The following NGLY1 variants were observed in gnomAD, a reference collection of about 807,000 sequenced individuals.
NGLY1 encodes peptide-N(4)-(N-acetyl-beta-glucosaminyl)asparagine amidase.
In NGLY1, 68 loss-of-function variants were observed where a neutral mutation model predicts 84.6. The ratio of observed to expected loss-of-function variants is 0.80; its 90% CI spans 0.66 to 0.98. The LOEUF (loss-of-function observed/expected upper bound fraction) is 0.98. Among genes scored for constraint, NGLY1 ranks in the 50% least tolerant of loss-of-function variants. NGLY1 has a pLI of 0.00. For missense variants in NGLY1, 779 were observed against 770.2 expected (o/e 1.01, Z -0.14); for synonymous variants, 280 against 275.2 (o/e 1.02, Z -0.17).
chr3:25,738,883 T>C (rs1705981541), intron 5 of NGLY1, among the ~76,000 whole-genome samples: 1 of 152,140 alleles, frequency 6.6e-6, no homozygotes, highest in Non-Finnish European at 1.5e-5. Context: ...TTTATAAACA[T>C]TGCCAATTCA....
At chr3:25,761,302 A>G (rs1707313133) in intron 3 of NGLY1, among the ~76,000 whole-genome samples, 1 of 152,202 alleles carries the variant, frequency 6.6e-6, no homozygotes, top group South Asian at 2.1e-4. Flanking sequence ...GTGAAGCTGG[A>G]AACATAATGC....
intron 3 of NGLY1, among the ~76,000 whole-genome samples, chr3:25,758,725 G>A (rs1278211608): frequency 6.6e-6 from 1 of 152,108 alleles, no homozygotes; most frequent in Non-Finnish European, 1.5e-5. Context: ...TTGACAATAT[G>A]TGCTGAAAAA....
At chr3:25,769,666 T>C (rs944205373) in intron 2 of NGLY1, among the ~76,000 whole-genome samples, 1 of 152,186 alleles carries the variant, frequency 6.6e-6, no homozygotes, top group African/African-American at 2.4e-5. Context: ...AAAATAGAAC[T>C]ACCATATGAT....
chr3:25,759,319 GAAAA>G (rs759612741), intron 3 of NGLY1, among the ~76,000 whole-genome samples: 1 of 82,280 alleles, frequency 1.2e-5, no homozygotes, highest in East Asian at 3.4e-4. Context: ...TATAGAAACA[GAAAA>G]AAAAAAAAAA....
intron 2 of NGLY1, among the ~76,000 whole-genome samples, chr3:25,775,297 C>T (rs1392317498): frequency 1.3e-5 from 2 of 152,198 alleles, no homozygotes; most frequent in Admixed American, 6.5e-5. Context: ...TCCTATCCAC[C>T]ATTTTCCAAA....
chr3:25,726,478 T>C (rs1705268973), intron 10 of NGLY1, among the ~76,000 whole-genome samples: 2 of 152,180 alleles, frequency 1.3e-5, no homozygotes, highest in African/African-American at 4.8e-5. Context: ...ATGGATTCAA[T>C]TTGCTGGGAC....
At chr3:25,744,174 TA>T (rs1706300663) in intron 4 of NGLY1, among the ~76,000 whole-genome samples, 1 of 152,318 alleles carries the variant, frequency 6.6e-6, no homozygotes, top group East Asian at 1.9e-4. Flanking sequence ...AGAAAATGGG[TA>T]AAAACATCAG....
upstream of NGLY1, among the ~76,000 whole-genome samples, chr3:25,786,310 G>A (rs779255038): frequency 6.6e-6 from 1 of 151,014 alleles, no homozygotes; most frequent in African/African-American, 2.4e-5. Flanking sequence ...GTGACAGAGC[G>A]GGACTCTACC....
At chr3:25,777,398 A>AAC (rs1441924293) in intron 2 of NGLY1, among the ~76,000 whole-genome samples, 1 of 149,832 alleles carries the variant, frequency 6.7e-6, no homozygotes, top group African/African-American at 2.5e-5. Context: ...TCCATCTCAA[A>AAC]AAAAAAAAAA....
intron 10 of NGLY1, among the ~76,000 whole-genome samples, chr3:25,727,786 C>G (rs1469698652): frequency 6.6e-6 from 1 of 152,172 alleles, no homozygotes; most frequent in Non-Finnish European, 1.5e-5. Context: ...CATATCACAT[C>G]TTCTGTAACA....
intron 1 of NGLY1, among the ~76,000 whole-genome samples, chr3:25,789,058 A>G (rs779637553): frequency 6.6e-6 from 1 of 152,230 alleles, no homozygotes; most frequent in African/African-American, 2.4e-5. Flanking sequence ...CCATTTTTCT[A>G]AAGAAGAGCA....
upstream of NGLY1, chr3:25,784,087 T>A (rs980723289): frequency 2.0e-5 from 3 of 152,136 alleles, no homozygotes. Context: ...TCTACATAGA[T>A]GTGGATGAAA....
intron 2 of NGLY1, chr3:25,777,930 C>T (rs1490939920): frequency 6.6e-6 from 1 of 152,246 alleles, no homozygotes; most frequent in Non-Finnish European, 1.5e-5. Context: ...ATTGCCTATT[C>T]TGACGACCAC....
chr3:25,765,253 G>T (rs1248181192), intron 2 of NGLY1, among the ~76,000 whole-genome samples: 1 of 151,656 alleles, frequency 6.6e-6, no homozygotes, highest in African/African-American at 2.4e-5. Flanking sequence ...TGAGGTCAGG[G>T]GTTCGAGACC....
chr3:25,742,052 C>T (rs1273755611), intron 4 of NGLY1, among the ~76,000 whole-genome samples: 1 of 152,044 alleles, frequency 6.6e-6, no homozygotes, highest in Non-Finnish European at 1.5e-5. Flanking sequence ...TCAGTAAGAA[C>T]ATTAAGAAAC....
rs765211108 is a variant in NGLY1, at chr3:25,729,207, TTTGA to T, written c.1533_1536del (p.Asn511LysfsTer51). On this transcript the variant is annotated frameshift_variant, in exon 10 of 12. Coordinates refer to ENST00000280700, the MANE Select transcript of NGLY1 (RefSeq NM_018297.4). LOFTEE classifies it high-confidence loss of function. Reference sequence around the variant, plus strand: ...ACGCCATTCTCCCATCCAGAAATGGTTTGATTGTTATTTGAAACTCGAACATAAC... The same window carrying T: ...ACGCCATTCTCCCATCCAGAAATGGTTTGTTATTTGAAACTCGAACATAAC... 1.8e-5 allele frequency: 28 copies of T among 1,569,000 alleles called. No individual in the cohort carries two copies. The highest frequency in any genetic ancestry group is 2.3e-5 in the Non-Finnish European group (26 of 1,154,214).
chr3:25,736,722 A>T (rs1705842762), intron 6 of NGLY1: 1 of 207,436 alleles, frequency 4.8e-6, no homozygotes, highest in Admixed American at 5.5e-5. Context: ...TTATTTCTGT[A>T]TACTGTGCTT....
At chr3:25,789,866 C>T (rs1708684411) in exon 1 of NGLY1, 1 of 1,551,738 alleles carries the variant, frequency 6.4e-7, no homozygotes, top group Non-Finnish European at 8.7e-7. Context: ...GCTACCTCAT[C>T]GCGTTATTGG....
At chr3:25,752,545 TAAA>T (rs1281074828) in intron 3 of NGLY1, among the ~76,000 whole-genome samples, 1 of 150,042 alleles carries the variant, frequency 6.7e-6, no homozygotes, top group Non-Finnish European at 1.5e-5. Context: ...AACATTAAAA[TAAA>T]GAAGAAGCCA....
Sources: allele counts gnomAD v4.1 joint callset (sites outside exome capture counted in the v4.1 genomes callset), GRCh38; gene constraint gnomAD v4.1.1; transcripts MANE v1.5; gene names NCBI Gene and HGNC (gene_info 2026-07-23, HGNC 2026-07-21).